Variants in RNF220 observed in about 807,000 individuals in gnomAD.
RNF220 encodes E3 ubiquitin-protein ligase RNF220.
Under a neutral mutation model 67.1 loss-of-function variants are expected in RNF220, and 7 were observed. That is an observed-to-expected ratio of 0.10 (90% CI 0.06 to 0.20). The LOEUF (loss-of-function observed/expected upper bound fraction) is 0.20, where lower values mean the gene tolerates loss of function less well. Ranked by LOEUF, RNF220 falls within the 10% of genes least tolerant of loss-of-function variation. RNF220 has a pLI of 1.00. For synonymous variants in RNF220, 270 were observed against 283.2 expected (o/e 0.95, Z 0.47); for missense variants, 565 against 740.3 (o/e 0.76, Z 2.75).
At chr1:44,512,340 G>A (rs951958189) in intron 2 of RNF220, among the ~76,000 whole-genome samples, 1 of 152,098 alleles carries the variant, frequency 6.6e-6, no homozygotes, top group Non-Finnish European at 1.5e-5. Flanking sequence ...TGAAACAAAT[G>A]AACATATTTG....
rs1397404312 is a variant in RNF220, at chr1:44,651,207, TC to T, written c.*436del. The T allele has an allele frequency of 2.7e-5, 5 of 186,212 alleles. No homozygotes were observed. Among genetic ancestry groups the T allele is most frequent in the Non-Finnish European group, 5.8e-5 (5 of 85,994 alleles). 11.5% of individuals were successfully genotyped at this position (186,212 alleles called of 1,614,324 possible). On this transcript the variant is annotated 3_prime_UTR_variant, in exon 15 of 15. Coordinates refer to ENST00000361799, the MANE Select transcript of RNF220 (RefSeq NM_018150.4). ...GGGACAACTCCTCGCCCTCTACCTG[TC>T]CCCTCCCCCTTTGGTTGTATGATTT...
At chr1:44,615,022 G>GT (rs1643483887) in intron 3 of RNF220, among the ~76,000 whole-genome samples, 1 of 152,328 alleles carries the variant, frequency 6.6e-6, no homozygotes, top group African/African-American at 2.4e-5. Flanking sequence ...GGAAGACTTG[G>GT]TGGCTGGGAG....
In RNF220 at chr1:44,622,496, T is replaced by A. The variant is rs1013016164; in HGVS notation, c.759-246T>A. Among the ~76,000 whole-genome samples the A allele has an allele frequency of 6.6e-6, 1 of 152,178 alleles. No individual in the cohort carries two copies. The highest frequency in any genetic ancestry group is 1.5e-5 in the Non-Finnish European group (1 of 68,010). On this transcript the variant is annotated intron_variant, in intron 3 of 14. Transcript: ENST00000361799. The surrounding 1 kb of genome is among the most constrained non-coding windows in gnomAD (Gnocchi z 4.3). The stretch of plus-strand genomic sequence containing the variant: ...TTCAGATCCACTGGGAAATCTACCA[T>A]GCCTAGTGTCTGTGTCTCCCTCCCA...
intron 2 of RNF220, among the ~76,000 whole-genome samples, chr1:44,568,641 C>A (rs573154395): frequency 2.0e-5 from 3 of 152,224 alleles, no homozygotes; most frequent in Non-Finnish European, 4.4e-5. Flanking sequence ...TCCTGAAGCA[C>A]TCTCCAGATG....
At chr1:44,573,878 C>A (rs3844084) in intron 2 of RNF220, among the ~76,000 whole-genome samples, 31,584 of 152,132 alleles carry the variant, frequency 0.21, 4,354 homozygotes, top group Non-Finnish European at 0.31. Flanking sequence ...CTTTGGGAGC[C>A]CAAGGTGGGT....
At chr1:44,414,595 T>C (rs1648333494) in intron 2 of RNF220, among the ~76,000 whole-genome samples, 2 of 152,150 alleles carry the variant, frequency 1.3e-5, no homozygotes, top group African/African-American at 4.8e-5. Flanking sequence ...CTGGTTTGCA[T>C]TGTGTGGTGG....
At chr1:44,589,531 G>A (rs910034244) in intron 2 of RNF220, among the ~76,000 whole-genome samples, 1 of 148,226 alleles carries the variant, frequency 6.7e-6, no homozygotes, top group African/African-American at 2.5e-5. Flanking sequence ...GGAGAATGGC[G>A]TGAACCCAGG....
chr1:44,619,411 C>T (rs113618673), intron 3 of RNF220, among the ~76,000 whole-genome samples: 2 of 152,080 alleles, frequency 1.3e-5, no homozygotes, highest in Non-Finnish European at 2.9e-5. Flanking sequence ...TATTTAAGGC[C>T]GGCCTCGGTG....
At chr1:44,479,978 A>G (rs1189583122) in intron 2 of RNF220, among the ~76,000 whole-genome samples, 1 of 152,210 alleles carries the variant, frequency 6.6e-6, no homozygotes, top group Non-Finnish European at 1.5e-5. Context: ...CAAGTTTACC[A>G]CTAAATAATA....
intron 2 of RNF220, among the ~76,000 whole-genome samples, chr1:44,570,691 A>G (rs1443423270): frequency 6.6e-6 from 1 of 152,184 alleles, no homozygotes; most frequent in African/African-American, 2.4e-5. Context: ...GGTCACTGTC[A>G]TCTCACACTT....
intron 2 of RNF220, among the ~76,000 whole-genome samples, chr1:44,508,557 C>T (rs1572715918): frequency 2.6e-5 from 4 of 152,350 alleles, no homozygotes; most frequent in African/African-American, 9.6e-5. Flanking sequence ...GGCGTTTGCT[C>T]TAAAGGCCTT....
chr1:44,543,571 G>A (rs1283785976), intron 2 of RNF220, among the ~76,000 whole-genome samples: 3 of 152,030 alleles, frequency 2.0e-5, no homozygotes, highest in Non-Finnish European at 4.4e-5. Context: ...GGGAAGTAGA[G>A]AGAGCAAAAG....
intron 1 of RNF220, among the ~76,000 whole-genome samples, chr1:44,411,138 A>G (rs974243066): frequency 2.0e-5 from 3 of 152,218 alleles, no homozygotes; most frequent in African/African-American, 7.2e-5. Context: ...ATTAGTAACT[A>G]AAATCACCGA....
intron 5 of RNF220, 156 bp downstream of exon 5, chr1:44,626,554 C>A: frequency 1.6e-6 from 1 of 622,002 alleles, no homozygotes; most frequent in Non-Finnish European, 2.9e-6. Context: ...TAAGTGAACT[C>A]AGGAGGCATA....
intron 2 of RNF220, among the ~76,000 whole-genome samples, chr1:44,488,367 G>T (rs1432143214): frequency 6.6e-6 from 1 of 152,138 alleles, no homozygotes; most frequent in Non-Finnish European, 1.5e-5. Context: ...TACCTCAGGT[G>T]ATCCACCCGC....
chr1:44,427,383 A>C (rs1439281245), intron 2 of RNF220, among the ~76,000 whole-genome samples: 1 of 151,628 alleles, frequency 6.6e-6, no homozygotes, highest in Non-Finnish European at 1.5e-5. Flanking sequence ...ATACTCGAAA[A>C]ATTGATAGGA....
At chr1:44,406,998 GCA>G (rs1379256996) in intron 1 of RNF220, among the ~76,000 whole-genome samples, 1 of 152,218 alleles carries the variant, frequency 6.6e-6, no homozygotes, top group Non-Finnish European at 1.5e-5. Flanking sequence ...TTCCCGTTAA[GCA>G]CACCCTGCAT....
intron 2 of RNF220, among the ~76,000 whole-genome samples, chr1:44,489,180 A>T (rs1023282811): frequency 6.6e-6 from 1 of 152,202 alleles, no homozygotes; most frequent in African/African-American, 2.4e-5. Context: ...GAACACATGA[A>T]CATGGCATGT....
intron 1 of RNF220, among the ~76,000 whole-genome samples, chr1:44,406,538 GACTT>G (rs1647347912): frequency 6.6e-6 from 1 of 152,234 alleles, no homozygotes; most frequent in African/African-American, 2.4e-5. Flanking sequence ...TTTCTCTTCT[GACTT>G]AAGAACAAAA....
Sources: allele counts gnomAD v4.1 joint callset (sites outside exome capture counted in the v4.1 genomes callset), GRCh38; gene constraint gnomAD v4.1.1; non-coding constraint Gnocchi (gnomAD v3.1); transcripts MANE v1.5; gene names NCBI Gene and HGNC (gene_info 2026-07-23, HGNC 2026-07-21).